ADRA1B: variants seen among roughly 807,000 people sequenced by gnomAD.
The protein encoded by ADRA1B is alpha-1B adrenergic receptor.
Under a neutral mutation model 17.9 loss-of-function variants are expected in ADRA1B, and 17 were observed. The observed-to-expected ratio is 0.95, with a 90% CI of 0.65 to 1.42. ADRA1B has a LOEUF of 1.42. Among genes scored for constraint, ADRA1B ranks in the 40% most tolerant of loss-of-function variants. The pLI is 0.00. For missense variants in ADRA1B, 681 were observed against 722.1 expected (o/e 0.94, Z 0.65); for synonymous variants, 366 against 327.6 (o/e 1.12, Z -1.27).
intron 1 of ADRA1B, among the ~76,000 whole-genome samples, chr5:159,952,746 T>C (rs543294982): frequency 6.6e-6 from 1 of 152,346 alleles, no homozygotes; most frequent in Non-Finnish European, 1.5e-5. Context: ...ACTACTCTTA[T>C]TGTCATTGTT....
chr5:159,948,101 GTC>G (rs1332733918), intron 1 of ADRA1B: 3 of 985,310 alleles, frequency 3.0e-6, no homozygotes, highest in Non-Finnish European at 3.6e-6. Context: ...ATAGCTGAAA[GTC>G]TCTGTACCTT....
chr5:159,899,285 AG>A (rs1268847734), intron 1 of ADRA1B, among the ~76,000 whole-genome samples: 6 of 149,072 alleles, frequency 4.0e-5, no homozygotes, highest in African/African-American at 4.9e-5. Context: ...GAAGGAAGGA[AG>A]GAAGGAAGGA....
intron 1 of ADRA1B, among the ~76,000 whole-genome samples, chr5:159,965,370 C>A (rs1333785756): frequency 6.6e-6 from 1 of 152,134 alleles, no homozygotes; most frequent in African/African-American, 2.4e-5. Context: ...GGGTTAGTGG[C>A]ATTGTTAAAG....
At chr5:159,978,347 C>G in the ADRA1B span, among the ~76,000 whole-genome samples, 1 of 152,158 alleles carries the variant, frequency 6.6e-6, no homozygotes, top group African/African-American at 2.4e-5. Flanking sequence ...GGGGTCCTAC[C>G]TCTAAATTGA....
the ADRA1B span, among the ~76,000 whole-genome samples, chr5:159,986,926 C>A: frequency 1.3e-5 from 2 of 152,196 alleles, no homozygotes; most frequent in South Asian, 2.1e-4. Context: ...GGAAAAGCAG[C>A]TTCCTCTCTT....
At chr5:159,906,070 G>A (rs943718347) in intron 1 of ADRA1B, among the ~76,000 whole-genome samples, 7 of 152,270 alleles carry the variant, frequency 4.6e-5, no homozygotes, top group African/African-American at 1.7e-4. Context: ...GGCTAGGCTG[G>A]TCTTGAACTC....
At chr5:159,943,935 CACACAA>C (rs1755204338) in intron 1 of ADRA1B, among the ~76,000 whole-genome samples, 4 of 138,194 alleles carry the variant, frequency 2.9e-5, no homozygotes, top group Admixed American at 2.1e-4. Flanking sequence ...CACACACACA[CACACAA>C]ACACACACAC....
chr5:159,901,260 A>T (rs1249767543), intron 1 of ADRA1B, among the ~76,000 whole-genome samples: 1 of 151,616 alleles, frequency 6.6e-6, no homozygotes, highest in Non-Finnish European at 1.5e-5. Flanking sequence ...TCCTCAGAGG[A>T]TAAAGGCAGA....
At chr5:159,907,523 G>A (rs1045515534) in intron 1 of ADRA1B, among the ~76,000 whole-genome samples, 1 of 151,694 alleles carries the variant, frequency 6.6e-6, no homozygotes, top group African/African-American at 2.4e-5. Flanking sequence ...AAATGCATCA[G>A]TGACATCATT....
intron 1 of ADRA1B, among the ~76,000 whole-genome samples, chr5:159,946,454 G>T (rs1228778611): frequency 6.6e-6 from 1 of 152,150 alleles, no homozygotes; most frequent in African/African-American, 2.4e-5. Flanking sequence ...AGAAAGAAAA[G>T]ATTACCAGTA....
At chr5:159,983,247 T>G in the ADRA1B span, among the ~76,000 whole-genome samples, 2 of 152,138 alleles carry the variant, frequency 1.3e-5, no homozygotes, top group Non-Finnish European at 2.9e-5. Flanking sequence ...CTCTGCTGCT[T>G]CAGAAAGCCC....
At chr5:159,912,961 C>T (rs767925299), upstream of ADRA1B, among the ~76,000 whole-genome samples, 13 of 152,202 alleles carry the variant, frequency 8.5e-5, no homozygotes, top group Non-Finnish European at 1.5e-4. Context: ...ACACAGAGTA[C>T]ATGCATCTCT....
At chr5:159,934,410 A>C (rs1754894245) in intron 1 of ADRA1B, among the ~76,000 whole-genome samples, 1 of 151,372 alleles carries the variant, frequency 6.6e-6, no homozygotes, top group Non-Finnish European at 1.5e-5. Flanking sequence ...CCGCCTTCCC[A>C]CCCCCTCGTC....
chr5:159,868,851 C>T (rs542798767), intron 1 of ADRA1B: 182 of 152,162 alleles, frequency 1.2e-3, no homozygotes, highest in African/African-American at 4.3e-3. Context: ...CTGAAAAGGA[C>T]CAGAGGGCAG....
chr5:159,934,509 T>C (rs536780416), intron 1 of ADRA1B, among the ~76,000 whole-genome samples: 1 of 151,910 alleles, frequency 6.6e-6, no homozygotes, highest in Admixed American at 6.6e-5. Flanking sequence ...CTAGAAGGAA[T>C]AGGGACTTGA....
chr5:159,898,212 G>A (rs1170107107), intron 1 of ADRA1B, among the ~76,000 whole-genome samples: 1 of 152,234 alleles, frequency 6.6e-6, no homozygotes, highest in Non-Finnish European at 1.5e-5. Context: ...GCCAAAGGGA[G>A]CCACTGAAGC....
At chr5:159,880,124 T>C (rs1057133274) in intron 1 of ADRA1B, among the ~76,000 whole-genome samples, 1 of 152,254 alleles carries the variant, frequency 6.6e-6, no homozygotes, top group Admixed American at 6.5e-5. Flanking sequence ...TATCTCCATT[T>C]ATGAAGGCCC....
In ADRA1B at chr5:159,972,030, C is replaced by T. The variant is rs201375864; in HGVS notation, c.1101C>T (p.Cys367=). Residue 367 remains cysteine (C), a synonymous_variant, in exon 2 of 2, where the codon TGC becomes TGT. Coordinates refer to ENST00000306675, the MANE Select transcript of ADRA1B (RefSeq NM_000679.4). The part of the protein sequence containing the change: ...RAFVRILGCQ[C]RGRGRRRRRR... ...TCGTGCGCATCCTCGGGTGCCAGTG[C>T]CGCGGCCGCGGCCGCCGCCGACGCC... The T allele has an allele frequency of 2.5e-3, 3,547 of 1,400,436 alleles. 7 individuals are homozygous for T. Among genetic ancestry groups the T allele is most frequent in the Non-Finnish European group, 3.0e-3 (3,244 of 1,076,958 alleles). 86.8% of individuals were successfully genotyped at this position (1,400,436 alleles called of 1,614,324 possible). A position where few individuals can be genotyped will look rare whatever the true frequency, so the allele number is the denominator to read the frequency against.
intron 1 of ADRA1B, among the ~76,000 whole-genome samples, chr5:159,881,954 CAGA>C (rs1753867757): frequency 6.6e-6 from 1 of 152,126 alleles, no homozygotes; most frequent in African/African-American, 2.4e-5. Flanking sequence ...TTCGCTTTTG[CAGA>C]AGGACATTGC....
Sources: gnomAD v4.1 joint callset for allele counts (sites outside exome capture counted in the v4.1 genomes callset) on GRCh38, gnomAD v4.1.1 for gene constraint, MANE v1.5 for transcripts, NCBI Gene and HGNC (gene_info 2026-07-23, HGNC 2026-07-21) for gene names.